Variants in ESPL1 observed in about 807,000 individuals in gnomAD.
ESPL1 encodes the protein extra spindle pole bodies like 1, separase, also known as separin.
ESPL1 carries 50 observed loss-of-function variants against 217.2 expected under a neutral mutation model. The observed-to-expected ratio is 0.23, with a 90% CI of 0.18 to 0.29. The LOEUF is 0.29. Among genes scored for constraint, ESPL1 ranks in the 10% least tolerant of loss-of-function variants. The probability of loss-of-function intolerance (pLI) is 1.00; values close to 1 mark genes in which losing one functional copy is unlikely to be tolerated. For missense variants in ESPL1, 1,834 were observed against 2,603.0 expected, an observed-to-expected ratio of 0.70 and a Z score of 6.43; for synonymous variants, 994 against 1,081.3, an observed-to-expected ratio of 0.92 and a Z score of 1.58.
At chr12:53,278,374 G>A (rs1280708190) in intron 11 of ESPL1, among the ~76,000 whole-genome samples, 1 of 151,786 alleles carries the variant, frequency 6.6e-6, no homozygotes, top group African/African-American at 2.4e-5. Flanking sequence ...CTACTCAGGT[G>A]GCTGAGGCAG....
intron 13 of ESPL1, 32 bp downstream of exon 13, chr12:53,281,658 CT>C: frequency 6.3e-7 from 1 of 1,599,838 alleles, no homozygotes; most frequent in East Asian, 2.2e-5. Flanking sequence ...TCCGAAGGCC[CT>C]GGGTATTAGA....
intron 9 of ESPL1, 38 bp from the exon 10 acceptor site, chr12:53,277,432 C>T (rs1943789071): frequency 6.2e-7 from 1 of 1,603,742 alleles, no homozygotes; most frequent in Non-Finnish European, 8.5e-7. Flanking sequence ...AGGCCCACAC[C>T]ACTGTGCCCT....
At position 53,271,815 on chromosome 12, in the gene ESPL1, C is replaced by T. The variant is rs113651430; in HGVS notation, c.1370-906C>T. On this transcript the variant is annotated intron_variant, in intron 5 of 30. Coordinates refer to ENST00000257934, the MANE Select transcript of ESPL1 (RefSeq NM_012291.5). The stretch of plus-strand genomic sequence containing the variant: ...TATTCAGCAAATATTTGTTGCCGGG[C>T]GCAGTGGCTCACGCCTGTAATCCCA... 7.9e-5 allele frequency among the ~76,000 whole-genome samples: 12 copies of T among 152,296 alleles called. No homozygotes were observed. The South Asian group carries it at 1.0e-3, about 13-fold the overall frequency.
At chr12:53,271,755 T>C (rs1477058030) in intron 5 of ESPL1, among the ~76,000 whole-genome samples, 1 of 152,170 alleles carries the variant, frequency 6.6e-6, no homozygotes, top group Non-Finnish European at 1.5e-5. Flanking sequence ...TCTATGTTGA[T>C]GGCCAAGAAG....
rs1287601708 is a variant in ESPL1, at chr12:53,273,033, A to ATT, written c.1506+196_1506+197dup. Among the ~76,000 whole-genome samples the ATT allele has an allele frequency of 3.0e-3, 364 of 122,926 alleles. 2 individuals carry two copies. The highest frequency in any genetic ancestry group is 9.0e-3 in the African/African-American group (276 of 30,814). The allele number at this position is 122,926 out of a possible 152,430, so 80.6% of individuals were successfully genotyped here. ...CTGTACTGTTACTTACTGTTGACTC[A>ATT]TTTTTTTTTTTTTTTTTTTTTGAGA... On this transcript the variant is annotated intron_variant, in intron 6 of 30. Coordinates refer to ENST00000257934, the MANE Select transcript of ESPL1 (RefSeq NM_012291.5).
rs928414791 is a variant in ESPL1, at chr12:53,288,594, A to C, written c.4603A>C (p.Arg1535=). 3.1e-6 allele frequency: 5 copies of C among 1,613,810 alleles called. No individual in the cohort carries two copies. The highest frequency in any genetic ancestry group is 4.2e-6 in the Non-Finnish European group (5 of 1,179,988). The change falls in exon 20 of 31, where the codon AGG becomes CGG. Residue 1535 remains arginine (R), a synonymous_variant. Coordinates refer to ENST00000257934, the MANE Select transcript of ESPL1 (RefSeq NM_012291.5). Reference sequence around the variant, plus strand: ...AGCTTCTGGAGAATGGGAGCTGCTGAGGCTGGATTCCAGCAAGAAGAAGCT... The same window carrying C: ...AGCTTCTGGAGAATGGGAGCTGCTGCGGCTGGATTCCAGCAAGAAGAAGCT... The part of the protein sequence containing the change: ...EAASGEWELL[R]LDSSKKKLPS...
rs753160267 is a variant in ESPL1, at chr12:53,286,945, G to A, written c.4176+33G>A. The stretch of plus-strand genomic sequence containing the variant: ...GGGACTGTTGCTAGGTGGTGGTGAT[G>A]GTGTTGGATGGGGTTAGTCCTGGAG... On this transcript the variant is annotated intron_variant, in intron 18 of 30. Transcript: ENST00000257934. The surrounding 1 kb of genome is among the most constrained non-coding windows in gnomAD (Gnocchi z 5.3). 9 of 1,552,596 alleles carry A rather than the reference G, an allele frequency of 5.8e-6. No homozygotes were observed. In the South Asian group the frequency reaches 8.7e-5, roughly 15 times the overall value.
At chr12:53,278,018 C>T in intron 11 of ESPL1, 58 bp downstream of exon 11, 1 of 1,548,004 alleles carries the variant, frequency 6.5e-7, no homozygotes, top group Non-Finnish European at 8.8e-7. Flanking sequence ...CCAGAAACAG[C>T]TCCCTCGCCT....
rs1342214484 is a variant in ESPL1, at chr12:53,269,963, C to G, written c.1021C>G (p.Gln341Glu). 6.2e-7 allele frequency: 1 copy of G among 1,614,196 alleles called. No homozygotes were observed. The highest frequency in any genetic ancestry group is 8.5e-7 in the Non-Finnish European group (1 of 1,180,036). The stretch of plus-strand genomic sequence containing the variant: ...ACTTCGGGCATTGTATGAGAGCTGC[C>G]AGTTCTTCCTTTCAGGCCTGGAACG... Reference protein sequence around the residue: ...PPLRALYESCQFFLSGLERGT... With the variant: ...PPLRALYESCEFFLSGLERGT... The change falls in exon 3 of 31, where the codon CAG becomes GAG. Residue 341 changes from glutamine (Q) to glutamate (E), a missense_variant. Gln to Glu is a conservative substitution (Grantham distance 29). Around this residue, in one of 5 missense-constraint regions of ESPL1, gnomAD observed 746 missense variants for 1,077.0 expected, o/e 0.69. Transcript: ENST00000257934. The surrounding 1 kb of genome is among the most constrained non-coding windows in gnomAD (Gnocchi z 6.7).
At position 53,277,997 on chromosome 12, in the gene ESPL1, C is replaced by T. The variant is rs567873617; in HGVS notation, c.2364+37C>T. On this transcript the variant is annotated intron_variant, in intron 11 of 30. Transcript: ENST00000257934. ...GGGCATTGAGGGGGACCCATATAAACAAGGACTAGACCAGAAACAGCTCCC... is the reference window on the plus strand; with the variant it reads ...GGGCATTGAGGGGGACCCATATAAATAAGGACTAGACCAGAAACAGCTCCC... 4.4e-6 allele frequency: 7 copies of T among 1,603,734 alleles called. No homozygotes were observed. The East Asian group carries it at 1.6e-4, about 36-fold the overall frequency.
In ESPL1 at chr12:53,286,268, G is replaced by A. The variant is rs202075440; in HGVS notation, c.3532G>A (p.Ala1178Thr). The A allele has an allele frequency of 1.2e-6, 2 of 1,614,204 alleles. No individual in the cohort carries two copies. The highest frequency in any genetic ancestry group is 8.5e-7 in the Non-Finnish European group (1 of 1,180,040). ...AGVRLAMGHQAQGLDLLQVVL... is the reference protein window; with the variant it reads ...AGVRLAMGHQTQGLDLLQVVL... ...GGTGAGGCTGGCCATGGGCCACCAAGCCCAGGGTCTGGATCTGCTGCAGGT... is the reference window on the plus strand; with the variant it reads ...GGTGAGGCTGGCCATGGGCCACCAAACCCAGGGTCTGGATCTGCTGCAGGT... The change falls in exon 18 of 31, where the codon GCC becomes ACC. Residue 1178 changes from alanine to threonine, a missense_variant. This residue lies in a region of ESPL1 where 681 missense variants were observed against 808.0 expected (regional missense o/e 0.84). Transcript: ENST00000257934. This position sits in a 1 kb window ranked among gnomAD's most constrained non-coding sequence, Gnocchi z 5.3.
At position 53,293,258 on chromosome 12, in the gene ESPL1, C is replaced by A; in HGVS notation, c.6162-15C>A. On this transcript the variant is annotated splice_polypyrimidine_tract_variant and intron_variant, in intron 30 of 30. Transcript: ENST00000257934. This position sits in a 1 kb window ranked among gnomAD's most constrained non-coding sequence, Gnocchi z 4.2. ...TAGAGCCCTTACTTTGTATTTCCTC[C>A]TTTTCTTTTCCCAGCCCCTTGTTTC... The A allele has an allele frequency of 6.2e-7, 1 of 1,609,302 alleles. No homozygotes were observed. Among genetic ancestry groups the A allele is most frequent in the South Asian group, 1.1e-5 (1 of 90,986 alleles).
In ESPL1 at chr12:53,290,392, G is replaced by A. The variant is rs755703187; in HGVS notation, c.5287G>A (p.Ala1763Thr). Reference sequence around the variant, plus strand: ...GAATGAGTTTGATGCCATCCAGAAGGCACAGAAAGAGAACAGCAGCTGTAC... The same window carrying A: ...GAATGAGTTTGATGCCATCCAGAAGACACAGAAAGAGAACAGCAGCTGTAC... ...VLNEFDAIQK[A>T]QKENSSCTDK... Residue 1763 changes from alanine to threonine, a missense_variant, in exon 24 of 31, where the codon GCA (alanine) becomes ACA (threonine). Ala to Thr is a moderately conservative substitution (Grantham distance 58, BLOSUM62 0). Transcript: ENST00000257934. 6.2e-7 allele frequency: 1 copy of A among 1,613,356 alleles called. No homozygotes were observed. The highest frequency in any genetic ancestry group is 1.1e-5 in the South Asian group (1 of 90,938).
intron 5 of ESPL1, among the ~76,000 whole-genome samples, chr12:53,271,416 C>T (rs1057391211): frequency 2.6e-5 from 4 of 151,962 alleles, no homozygotes; most frequent in African/African-American, 9.6e-5. Flanking sequence ...GAGATGATGT[C>T]TGGCCATATT....
intron 3 of ESPL1, 28 bp downstream of exon 3, chr12:53,270,113 G>C (rs1376187433): frequency 2.6e-6 from 4 of 1,566,116 alleles, no homozygotes; most frequent in Admixed American, 1.8e-5. Context: ...AGGTAGGGTG[G>C]GGACGTGGTC....
intron 18 of ESPL1, among the ~76,000 whole-genome samples, 160 bp downstream of exon 18, chr12:53,287,072 T>G (rs1036746465): frequency 3.3e-5 from 5 of 151,938 alleles, no homozygotes; most frequent in Non-Finnish European, 7.4e-5. Flanking sequence ...CTTGCTTTTT[T>G]GTTTTTTGTT....
chr12:53,268,675 C>T (rs1943610984), intron 1 of ESPL1, 80 bp from the exon 2 acceptor site: 3 of 799,688 alleles, frequency 3.8e-6, no homozygotes, highest in South Asian at 3.4e-5. Flanking sequence ...TCTTTGCCTC[C>T]TTCCACGACC....
In ESPL1 at chr12:53,269,433, C is replaced by T; in HGVS notation, c.491C>T (p.Ala164Val). The change falls in exon 3 of 31, where the codon GCA becomes GTA. Residue 164 changes from alanine to valine, a missense_variant. Physicochemically the swap from Ala to Val is moderately conservative, Grantham distance 64 (BLOSUM62 0). This residue lies in a region of ESPL1 where 746 missense variants were observed against 1,077.0 expected (regional missense o/e 0.69). Coordinates refer to ENST00000257934, the MANE Select transcript of ESPL1 (RefSeq NM_012291.5). This position sits in a 1 kb window ranked among gnomAD's most constrained non-coding sequence, Gnocchi z 6.7. The part of the protein sequence containing the change: ...GAEALLERRA[A>V]FAARLKALSF... ...GAAGCCCTGTTGGAACGGCGAGCTG[C>T]ATTTGCAGCTCGGCTGAAGGCCTTG... The T allele has an allele frequency of 1.2e-6, 2 of 1,614,000 alleles. No individual in the cohort carries two copies. Among genetic ancestry groups the T allele is most frequent in the Non-Finnish European group, 1.7e-6 (2 of 1,180,010 alleles).
chr12:53,285,969 A>G lies in ESPL1; in HGVS notation c.3233A>G (p.His1078Arg), dbSNP rs139302714. Residue 1078 changes from histidine (H) to arginine (R), a missense_variant, in exon 18 of 31, where the codon CAC becomes CGC. Physicochemically the swap from His to Arg is conservative, Grantham distance 29. Around this residue, in one of 5 missense-constraint regions of ESPL1, gnomAD observed 681 missense variants for 808.0 expected, o/e 0.84. Coordinates refer to ENST00000257934, the MANE Select transcript of ESPL1 (RefSeq NM_012291.5). ...TQHLDSVKKV[H>R]LQKGKQQAQV... ...CACCTGGACTCTGTGAAGAAGGTCC[A>G]CCTGCAGAAGGGGAAGCAGCAGGCC... The G allele has an allele frequency of 2.7e-4, 429 of 1,567,172 alleles. 2 individuals carry two copies. Among genetic ancestry groups the G allele is most frequent in the Non-Finnish European group, 2.5e-4 (292 of 1,151,082 alleles).
Sources: gnomAD v4.1 joint callset for allele counts (sites outside exome capture counted in the v4.1 genomes callset) on GRCh38, gnomAD v4.1.1 for gene constraint, gnomAD v4.1.1 regional missense constraint, Gnocchi (gnomAD v3.1) non-coding constraint, MANE v1.5 for transcripts, NCBI Gene and HGNC (gene_info 2026-07-23, HGNC 2026-07-21) for gene names.